The following IPO5 variants were observed in gnomAD, a reference collection of about 807,000 sequenced individuals.
IPO5 encodes importin-5.
IPO5 carries 18 observed loss-of-function variants against 143.3 expected under a neutral mutation model. The ratio of observed to expected loss-of-function variants is 0.13; its 90% CI spans 0.09 to 0.19. The LOEUF (loss-of-function observed/expected upper bound fraction) is 0.19, where lower values mean the gene tolerates loss of function less well. Among genes scored for constraint, IPO5 ranks in the 10% least tolerant of loss-of-function variants. IPO5 has a pLI of 1.00. For synonymous variants in IPO5, 477 were observed against 465.7 expected, an observed-to-expected ratio of 1.02 and a Z score of -0.31; for missense variants, 1,013 against 1,336.9, an observed-to-expected ratio of 0.76 and a Z score of 3.78.
intron 11 of IPO5, among the ~76,000 whole-genome samples, chr13:97,994,244 G>A (rs966212765): frequency 1.3e-5 from 2 of 152,124 alleles, no homozygotes; most frequent in African/African-American, 2.4e-5. Context: ...GGAGGTGGAG[G>A]TTGCAGTGAG....
intron 4 of IPO5, among the ~76,000 whole-genome samples, chr13:97,981,037 T>G (rs914512782): frequency 7.2e-5 from 11 of 152,182 alleles, no homozygotes; most frequent in African/African-American, 2.7e-4. Context: ...ACATAACCAT[T>G]TTTGCATTCA....
rs1890544750 is a variant in IPO5, at chr13:98,022,261, C to T, written c.*439C>T. 6.5e-6 allele frequency: 1 copy of T among 152,676 alleles called. No individual in the cohort carries two copies. The highest frequency in any genetic ancestry group is 1.5e-5 in the Non-Finnish European group (1 of 68,384). 9.5% of individuals were successfully genotyped at this position (152,676 alleles called of 1,614,324 possible). On this transcript the variant is annotated 3_prime_UTR_variant, in exon 29 of 29. Coordinates refer to ENST00000651721, the MANE Select transcript of IPO5 (RefSeq NM_002271.6). ...CTTTCTGTAGGGTAGAAAGAAGCCT[C>T]CTACCCAGCAAACCAGTAGACCCAA...
rs41279108 is a variant in IPO5 at position 98,023,706 on chromosome 13, C to A, written c.*1884C>A. 11 of 152,238 alleles carry A rather than the reference C, an allele frequency of 7.2e-5. No individual in the cohort carries two copies. The highest frequency in any genetic ancestry group is 1.3e-4 in the Non-Finnish European group (9 of 68,020). 9.4% of individuals were successfully genotyped at this position (152,238 alleles called of 1,614,324 possible). On this transcript the variant is annotated 3_prime_UTR_variant, in exon 29 of 29. Coordinates refer to ENST00000651721, the MANE Select transcript of IPO5 (RefSeq NM_002271.6). ...TCTGAGATGTACTTACAGCAGGGTT[C>A]TAAGAGCTCTGAAAGAAGCGCTCTG...
Position 97,961,681 on chromosome 13 carries a change from T to C in IPO5, c.-113+7483T>C, listed in dbSNP as rs61970431. On this transcript the variant is annotated intron_variant, in intron 2 of 28. Coordinates refer to ENST00000651721, the MANE Select transcript of IPO5 (RefSeq NM_002271.6). ...TTTGCATTTCTCTAATGATGAATGATGTTGCACATCTTTTCATGTGCTTAT... is the reference window on the plus strand; with the variant it reads ...TTTGCATTTCTCTAATGATGAATGACGTTGCACATCTTTTCATGTGCTTAT... Among the ~76,000 whole-genome samples, 664 of 152,374 alleles carry C rather than the reference T, an allele frequency of 4.4e-3. 1 individual carries two copies. Among genetic ancestry groups the C allele is most frequent in the Admixed American group, 6.9e-3 (106 of 15,300 alleles).
At chr13:98,021,187 T>G in intron 28 of IPO5, 54 bp downstream of exon 28, 1 of 1,490,918 alleles carries the variant, frequency 6.7e-7, no homozygotes, top group Admixed American at 2.3e-5. Context: ...TTTTTCTTTG[T>G]AGTCCTCTAT....
At chr13:98,020,879 A>G in intron 27 of IPO5, 113 bp from the exon 28 acceptor site, 1 of 762,468 alleles carries the variant, frequency 1.3e-6, no homozygotes, top group Non-Finnish European at 2.2e-6. Context: ...TTCATATATA[A>G]GATTGGCTGG....
chr13:98,002,234 C>G lies in IPO5; in HGVS notation c.1109-233C>G. Reference sequence around the variant, plus strand: ...GTTTCACCACGTTAACCAGGATGGTCTCGATCTCCTGACCTTGTGATCCGC... The same window carrying G: ...GTTTCACCACGTTAACCAGGATGGTGTCGATCTCCTGACCTTGTGATCCGC... On this transcript the variant is annotated intron_variant, in intron 13 of 28. Transcript: ENST00000651721. 1.1e-5 allele frequency: 3 copies of G among 284,740 alleles called. No homozygotes were observed. The South Asian group carries it at 2.7e-4, about 25-fold the overall frequency. 17.6% of individuals were successfully genotyped at this position (284,740 alleles called of 1,614,324 possible).
intron 13 of IPO5, chr13:98,001,788 A>G (rs1404266676): frequency 6.6e-6 from 1 of 151,706 alleles, no homozygotes; most frequent in African/African-American, 2.4e-5. Flanking sequence ...TAATTTTTGT[A>G]TTTTTAGTAG....
intron 4 of IPO5, among the ~76,000 whole-genome samples, chr13:97,980,529 G>A (rs1886750932): frequency 6.6e-6 from 1 of 152,156 alleles, no homozygotes; most frequent in East Asian, 1.9e-4. Context: ...GACAGTGATA[G>A]CCTAGTAGAG....
chr13:97,968,032 A>G (rs1885502834), intron 2 of IPO5, among the ~76,000 whole-genome samples: 10 of 152,076 alleles, frequency 6.6e-5, no homozygotes, highest in Admixed American at 6.5e-4. Context: ...ATCATTGCTC[A>G]CTGTAACTTT....
At chr13:97,986,768 G>C (rs1028171920) in intron 6 of IPO5, among the ~76,000 whole-genome samples, 5 of 152,168 alleles carry the variant, frequency 3.3e-5, no homozygotes, top group African/African-American at 1.2e-4. Context: ...AAAAATAATA[G>C]TAATGTAATT....
chr13:98,011,329 C>G (rs1026097619), intron 20 of IPO5, among the ~76,000 whole-genome samples: 4 of 152,090 alleles, frequency 2.6e-5, no homozygotes, highest in African/African-American at 4.8e-5. Flanking sequence ...CTTACTCTGT[C>G]GCTCAGGCTG....
intron 6 of IPO5, 77 bp from the exon 7 acceptor site, chr13:97,988,985 T>TAGCAAAAGTGACATTTTTCACTACTCCAG: frequency 1.3e-6 from 1 of 765,882 alleles, no homozygotes; most frequent in Non-Finnish European, 2.2e-6. Context: ...ATGAGGCTTA[T>TAGCAAAAGTGACATTTTTCACTACTCCAG]GAAATGAAAG....
rs770386242 is a variant in IPO5, at chr13:97,997,564, A to G, written c.947A>G (p.Glu316Gly). Residue 316 changes from glutamate to glycine, a missense_variant, in exon 12 of 29, where the codon GAA becomes GGA. Glu to Gly is a moderately conservative substitution (Grantham distance 98). Coordinates refer to ENST00000651721, the MANE Select transcript of IPO5 (RefSeq NM_002271.6). ...ATGTTAGCAATGATGGTTGATTTGG[A>G]AGAAGATGAGGACTGGGCAAATGCA... The part of the protein sequence containing the change: ...PQMLAMMVDL[E>G]EDEDWANADE... 6 of 1,610,404 alleles carry G rather than the reference A, an allele frequency of 3.7e-6. No individual in the cohort carries two copies. Among genetic ancestry groups the G allele is most frequent in the Non-Finnish European group, 5.1e-6 (6 of 1,176,988 alleles).
rs528928323 is a variant in IPO5, at chr13:98,016,904, T to C, written c.2616+53T>C. On this transcript the variant is annotated intron_variant, in intron 25 of 28. Coordinates refer to ENST00000651721, the MANE Select transcript of IPO5 (RefSeq NM_002271.6). Reference sequence around the variant, plus strand: ...TTTGCGTAGTTTACCTGGAATTCTTTTCACTGCAACGTAAAATCTAATGCT... The same window carrying C: ...TTTGCGTAGTTTACCTGGAATTCTTCTCACTGCAACGTAAAATCTAATGCT... The C allele has an allele frequency of 1.7e-4, 221 of 1,334,058 alleles. 1 individual carries two copies. In the South Asian group the frequency reaches 3.5e-3, roughly 21 times the overall value. The allele number at this position is 1,334,058 out of a possible 1,614,324, so 82.6% of individuals were successfully genotyped here.
At chr13:98,013,239 T>C (rs1222975295) in intron 21 of IPO5, among the ~76,000 whole-genome samples, 1 of 152,046 alleles carries the variant, frequency 6.6e-6, no homozygotes, top group Non-Finnish European at 1.5e-5. Flanking sequence ...GTATTTTTTG[T>C]TTGTTTGTTT....
Position 98,021,731 on chromosome 13 carries a change from C to T in IPO5, c.3208-5C>T. 1 of 1,519,608 alleles carries T rather than the reference C, an allele frequency of 6.6e-7. No individual in the cohort carries two copies. The highest frequency in any genetic ancestry group is 8.9e-7 in the Non-Finnish European group (1 of 1,118,766). 94.1% of individuals were successfully genotyped at this position (1,519,608 alleles called of 1,614,324 possible). On this transcript the variant is annotated splice_region_variant and splice_polypyrimidine_tract_variant and intron_variant, in intron 28 of 28. Transcript: ENST00000651721. ...CTAAGTCTGTGAAAATGTTTCTTTC[C>T]CTAGACTTCTGGAGGACTGTGGACT...
At chr13:97,976,590 G>C (rs1442414149) in intron 3 of IPO5, 103 bp from the exon 4 acceptor site, 2 of 215,654 alleles carry the variant, frequency 9.3e-6, no homozygotes, top group Non-Finnish European at 1.6e-5. Context: ...CCGCGCCGCC[G>C]CTGGTGCCGG....
At chr13:98,009,512 T>C (rs1357415716) in intron 18 of IPO5, among the ~76,000 whole-genome samples, 1 of 152,232 alleles carries the variant, frequency 6.6e-6, no homozygotes, top group African/African-American at 2.4e-5. Context: ...TACATTTCTG[T>C]CTTCAAAAAA....
Sources: allele counts gnomAD v4.1 joint callset (sites outside exome capture counted in the v4.1 genomes callset), GRCh38; gene constraint gnomAD v4.1.1; transcripts MANE v1.5; gene names NCBI Gene and HGNC (gene_info 2026-07-23, HGNC 2026-07-21).